The following CCBE1 variants were observed in gnomAD, a reference collection of about 807,000 sequenced individuals.
The protein encoded by CCBE1 is collagen and calcium binding EGF domains 1, also known as collagen and calcium-binding EGF domain-containing protein 1.
CCBE1 carries 37 observed loss-of-function variants against 50.0 expected under a neutral mutation model. The observed-to-expected ratio is 0.74, with a 90% CI of 0.57 to 0.97. The LOEUF (loss-of-function observed/expected upper bound fraction) is 0.97. CCBE1 is among the 50% of genes least tolerant of loss of function. CCBE1 has a pLI of 0.00. For synonymous variants in CCBE1, 234 were observed against 203.7 expected (o/e 1.15, Z -1.27); for missense variants, 538 against 523.8 (o/e 1.03, Z -0.26).
chr18:59,493,151 G>C (rs1913189902), intron 2 of CCBE1, among the ~76,000 whole-genome samples: 1 of 152,236 alleles, frequency 6.6e-6, no homozygotes, highest in South Asian at 2.1e-4. Flanking sequence ...TTAAAGGAGA[G>C]AGTTTCACTT....
At chr18:59,682,507 C>G (rs1022585679) in intron 2 of CCBE1, among the ~76,000 whole-genome samples, 1 of 152,200 alleles carries the variant, frequency 6.6e-6, no homozygotes, top group Non-Finnish European at 1.5e-5. Flanking sequence ...AGAGACCCCC[C>G]CCTTTAGCAT....
chr18:59,674,158 A>C (rs189033332), intron 2 of CCBE1, among the ~76,000 whole-genome samples: 2 of 152,294 alleles, frequency 1.3e-5, no homozygotes, highest in African/African-American at 4.8e-5. Context: ...TCATTCTACT[A>C]TAAAGACACA....
chr18:59,678,407 T>G (rs191352817), intron 2 of CCBE1, among the ~76,000 whole-genome samples: 238 of 152,318 alleles, frequency 1.6e-3, no homozygotes, highest in African/African-American at 5.5e-3. Context: ...GAGTAAATCA[T>G]TGATTTGACT....
In CCBE1 at chr18:59,438,887, C is replaced by T. The variant is rs368867635; in HGVS notation, c.951+656G>A. On this transcript the variant is annotated intron_variant, in intron 9 of 10. Coordinates refer to ENST00000439986, the MANE Select transcript of CCBE1 (RefSeq NM_133459.4). ...CCTTCAGGCCGGGAGCGGTGCCTCA[C>T]ACCTGTAATACCAGCACTTTGGGAG... Among the ~76,000 whole-genome samples, 28 of 152,216 alleles carry T rather than the reference C, an allele frequency of 1.8e-4. No individual in the cohort carries two copies. The South Asian group carries it at 3.7e-3, about 20-fold the overall frequency.
chr18:59,675,057 G>A (rs892057098), intron 2 of CCBE1, among the ~76,000 whole-genome samples: 1 of 151,900 alleles, frequency 6.6e-6, no homozygotes, highest in African/African-American at 2.4e-5. Context: ...TTTTCATAAG[G>A]CACAACATTG....
At chr18:59,657,607 T>C (rs2054208255) in intron 2 of CCBE1, among the ~76,000 whole-genome samples, 1 of 152,194 alleles carries the variant, frequency 6.6e-6, no homozygotes, top group Non-Finnish European at 1.5e-5. Context: ...AAAACATACA[T>C]TGGGCCAAGC....
At position 59,636,131 on chromosome 18, in the gene CCBE1, C is replaced by T. The variant is rs372190601; in HGVS notation, c.212+60498G>A. The stretch of plus-strand genomic sequence containing the variant: ...TCATGCCAACACACTCCAGCCTGGG[C>T]GACAGAGCGAGACTCTGTCTCTAAA... On this transcript the variant is annotated intron_variant, in intron 2 of 10. Coordinates refer to ENST00000439986, the MANE Select transcript of CCBE1 (RefSeq NM_133459.4). 9.2e-4 allele frequency among the ~76,000 whole-genome samples: 140 copies of T among 151,880 alleles called. 1 individual carries two copies. The highest frequency in any genetic ancestry group is 3.2e-3 in the African/African-American group (132 of 41,362).
In CCBE1 at chr18:59,513,128, C is replaced by CA. The variant is rs553671430; in HGVS notation, c.213-32891dup. ...CTCGAGACCAGCCCAGCCAACATGG[C>CA]AAAACCCCATCTCCACTAAAAATAC... On this transcript the variant is annotated intron_variant, in intron 2 of 10. Coordinates refer to ENST00000439986, the MANE Select transcript of CCBE1 (RefSeq NM_133459.4). 4.7e-3 allele frequency among the ~76,000 whole-genome samples: 708 copies of CA among 152,168 alleles called. 1 individual carries two copies. The highest frequency in any genetic ancestry group is 7.5e-3 in the Non-Finnish European group (509 of 68,010).
rs371303348 is a variant in CCBE1, at chr18:59,696,613, G to A, written c.212+16C>T. ...GGTGCGCAGTGGCGAACAGCCCGCA[G>A]AGCCCCCAGGCTTACCTGTAGCATG... On this transcript the variant is annotated intron_variant, in intron 2 of 10. Coordinates refer to ENST00000439986, the MANE Select transcript of CCBE1 (RefSeq NM_133459.4). 4.4e-5 allele frequency: 71 copies of A among 1,613,466 alleles called. No individual in the cohort carries two copies. The African/African-American group carries it at 8.7e-4, about 20-fold the overall frequency.
chr18:59,526,309 AT>A (rs35895583), intron 2 of CCBE1, among the ~76,000 whole-genome samples: 50,811 of 129,888 alleles, frequency 0.39, 8,873 homozygotes, highest in East Asian at 0.53. Flanking sequence ...CTGATTTGAG[AT>A]TTTTTTTTTT....
chr18:59,438,293 A>G (rs1910254199), intron 9 of CCBE1, 147 bp from the exon 10 acceptor site: 1 of 751,318 alleles, frequency 1.3e-6, no homozygotes, highest in African/African-American at 1.7e-5. Context: ...AGCTGGACTC[A>G]CGGGACCACT....
intron 2 of CCBE1, among the ~76,000 whole-genome samples, chr18:59,514,651 A>C (rs1914290731): frequency 6.7e-6 from 1 of 149,240 alleles, no homozygotes; most frequent in Admixed American, 6.8e-5. Flanking sequence ...CCTTGAAAAA[A>C]AAAAAAAAAA....
intron 2 of CCBE1, among the ~76,000 whole-genome samples, chr18:59,491,466 T>G (rs1377073043): frequency 6.6e-6 from 1 of 152,224 alleles, no homozygotes; most frequent in African/African-American, 2.4e-5. Flanking sequence ...GTTTAAATAA[T>G]TATTACATTA....
chr18:59,630,018 A>G (rs1360300467), intron 2 of CCBE1, among the ~76,000 whole-genome samples: 1 of 152,214 alleles, frequency 6.6e-6, no homozygotes, highest in Non-Finnish European at 1.5e-5. Flanking sequence ...CCTACTTTCT[A>G]TTTTGCAATA....
At chr18:59,452,624 C>T (rs1478694630) in intron 6 of CCBE1, among the ~76,000 whole-genome samples, 1 of 152,048 alleles carries the variant, frequency 6.6e-6, no homozygotes, top group Non-Finnish European at 1.5e-5. Context: ...AACCAACGGA[C>T]AGTTCAAACA....
At chr18:59,569,082 G>A (rs192224751) in intron 2 of CCBE1, among the ~76,000 whole-genome samples, 3 of 152,252 alleles carry the variant, frequency 2.0e-5, no homozygotes, top group Non-Finnish European at 1.5e-5. Context: ...ATCTCCAAAC[G>A]ATGTTCGATT....
chr18:59,483,605 A>C (rs1012991001), intron 2 of CCBE1, among the ~76,000 whole-genome samples: 8 of 152,214 alleles, frequency 5.3e-5, no homozygotes, highest in Non-Finnish European at 1.0e-4. Context: ...AAATTTCATA[A>C]AATCCCTAAT....
intron 2 of CCBE1, among the ~76,000 whole-genome samples, chr18:59,644,534 T>C (rs1244949506): frequency 6.6e-6 from 1 of 152,254 alleles, no homozygotes; most frequent in Non-Finnish European, 1.5e-5. Context: ...CAGTCACACT[T>C]ACCATTACTT....
At chr18:59,443,748 G>T (rs1351543430) in intron 7 of CCBE1, among the ~76,000 whole-genome samples, 1 of 152,138 alleles carries the variant, frequency 6.6e-6, no homozygotes, top group Non-Finnish European at 1.5e-5. Flanking sequence ...GGGATTACAG[G>T]TGTGAGCCAC....
Sources: allele counts gnomAD v4.1 joint callset (sites outside exome capture counted in the v4.1 genomes callset), GRCh38; gene constraint gnomAD v4.1.1; transcripts MANE v1.5; gene names NCBI Gene and HGNC (gene_info 2026-07-23, HGNC 2026-07-21).